The following KCNH8 variants were observed in gnomAD, a reference collection of about 807,000 sequenced individuals.
The protein encoded by KCNH8 is potassium voltage-gated channel subfamily H member 8, also known as voltage-gated delayed rectifier potassium channel KCNH8.
In KCNH8, 70 loss-of-function variants were observed where a neutral mutation model predicts 103.6. The observed-to-expected ratio is 0.68, with a 90% CI of 0.56 to 0.82. KCNH8 has a LOEUF of 0.82. Among genes scored for constraint, KCNH8 ranks in the 40% least tolerant of loss-of-function variants. KCNH8 has a pLI of 0.00. For synonymous variants in KCNH8, 498 were observed against 489.4 expected, an observed-to-expected ratio of 1.02 and a Z score of -0.23; for missense variants, 1,217 against 1,329.9, an observed-to-expected ratio of 0.92 and a Z score of 1.32.
At chr3:19,518,447 G>C (rs752078530) in intron 15 of KCNH8, among the ~76,000 whole-genome samples, 1 of 152,030 alleles carries the variant, frequency 6.6e-6, no homozygotes, top group African/African-American at 2.4e-5. Context: ...AAGCAAGGTC[G>C]TAAGTTCACA....
At chr3:19,299,667 A>T (rs982609337) in intron 3 of KCNH8, among the ~76,000 whole-genome samples, 4 of 151,988 alleles carry the variant, frequency 2.6e-5, no homozygotes, top group African/African-American at 7.3e-5. Context: ...AAATAAAAAT[A>T]AAAAATAAAA....
At chr3:19,247,693 A>G (rs578163480) in intron 1 of KCNH8, among the ~76,000 whole-genome samples, 19 of 152,214 alleles carry the variant, frequency 1.2e-4, no homozygotes, top group Non-Finnish European at 1.3e-4. Flanking sequence ...ACTCTTCAGA[A>G]ATAAAGATTT....
chr3:19,201,103 G>A (rs2063654277), intron 1 of KCNH8, among the ~76,000 whole-genome samples: 1 of 150,140 alleles, frequency 6.7e-6, no homozygotes, highest in East Asian at 2.0e-4. Context: ...ATGGGGGCGG[G>A]CACCTGTTAT....
intron 3 of KCNH8, among the ~76,000 whole-genome samples, chr3:19,289,838 G>A (rs2064892022): frequency 6.6e-6 from 1 of 152,176 alleles, no homozygotes; most frequent in African/African-American, 2.4e-5. Flanking sequence ...ACCTTGGGCA[G>A]TATGGCCATT....
intron 11 of KCNH8, among the ~76,000 whole-genome samples, chr3:19,473,805 G>A (rs576154924): frequency 8.5e-5 from 13 of 152,306 alleles, no homozygotes; most frequent in African/African-American, 3.1e-4. Context: ...TAGAGGGATT[G>A]AGAACATAAG....
intron 1 of KCNH8, among the ~76,000 whole-genome samples, chr3:19,175,005 A>T (rs988347252): frequency 1.3e-5 from 2 of 152,086 alleles, no homozygotes; most frequent in Admixed American, 6.6e-5. Context: ...ATGAAGTAGT[A>T]TTTTTTTAAT....
At chr3:19,326,221 A>G (rs2065421299) in intron 3 of KCNH8, among the ~76,000 whole-genome samples, 1 of 151,914 alleles carries the variant, frequency 6.6e-6, no homozygotes, top group South Asian at 2.1e-4. Context: ...GATCCAGAAA[A>G]ATAACTAAAG....
chr3:19,196,389 T>C (rs2063602374), intron 1 of KCNH8, among the ~76,000 whole-genome samples: 1 of 151,776 alleles, frequency 6.6e-6, no homozygotes, highest in Admixed American at 6.6e-5. Context: ...TCCAATATCA[T>C]AGGTATTATC....
At chr3:19,373,625 C>T (rs13079641) in intron 5 of KCNH8, among the ~76,000 whole-genome samples, 7 of 151,928 alleles carry the variant, frequency 4.6e-5, no homozygotes, top group East Asian at 1.9e-4. Context: ...CTGCTCTGAT[C>T]TTAGTTATTT....
intron 3 of KCNH8, among the ~76,000 whole-genome samples, chr3:19,316,161 G>A (rs2065271237): frequency 6.6e-6 from 1 of 151,924 alleles, no homozygotes. Flanking sequence ...TGTAAAATTG[G>A]TATTCAGTAG....
At chr3:19,479,845 AATAAG>A (rs1265683029) in intron 11 of KCNH8, among the ~76,000 whole-genome samples, 2 of 152,206 alleles carry the variant, frequency 1.3e-5, no homozygotes, top group Non-Finnish European at 2.9e-5. Flanking sequence ...CTGTCCAGTG[AATAAG>A]ATAAAATATG....
At chr3:19,465,418 T>C (rs1358886463) in intron 11 of KCNH8, among the ~76,000 whole-genome samples, 1 of 152,146 alleles carries the variant, frequency 6.6e-6, no homozygotes, top group African/African-American at 2.4e-5. Context: ...AATAAAAGAT[T>C]CCTTTCAAAA....
intron 2 of KCNH8, among the ~76,000 whole-genome samples, chr3:19,257,216 A>C (rs938608216): frequency 6.6e-6 from 1 of 151,960 alleles, no homozygotes; most frequent in African/African-American, 2.4e-5. Context: ...TATCCTCCCC[A>C]GATACATTTT....
intron 1 of KCNH8, among the ~76,000 whole-genome samples, chr3:19,204,341 CACA>C (rs1412600865): frequency 2.0e-5 from 3 of 152,046 alleles, no homozygotes; most frequent in African/African-American, 7.2e-5. Flanking sequence ...AGAACCCCTA[CACA>C]GCTGTCTACT....
At chr3:19,227,348 G>A (rs2063943466) in intron 1 of KCNH8, among the ~76,000 whole-genome samples, 1 of 152,142 alleles carries the variant, frequency 6.6e-6, no homozygotes, top group South Asian at 2.1e-4. Flanking sequence ...GTCAGAGAAG[G>A]GGGATGATTG....
chr3:19,412,254 C>G (rs2066791817), intron 7 of KCNH8, among the ~76,000 whole-genome samples: 1 of 151,986 alleles, frequency 6.6e-6, no homozygotes, highest in South Asian at 2.1e-4. Flanking sequence ...CTACAGCCAT[C>G]TAATCTTTGA....
intron 3 of KCNH8, among the ~76,000 whole-genome samples, chr3:19,316,921 G>T (rs190795494): frequency 3.3e-5 from 5 of 151,958 alleles, no homozygotes; most frequent in Non-Finnish European, 7.4e-5. Context: ...CTTTGAAATT[G>T]GATGAATAGG....
chr3:19,376,440 C>T (rs34766519), intron 5 of KCNH8, among the ~76,000 whole-genome samples: 23,955 of 152,152 alleles, frequency 0.16, 2,552 homozygotes, highest in Middle Eastern at 0.3. Flanking sequence ...TGAGGCAATG[C>T]CTCTCCCTGC....
intron 8 of KCNH8, among the ~76,000 whole-genome samples, chr3:19,441,006 T>C (rs2067275558): frequency 6.6e-6 from 1 of 152,122 alleles, no homozygotes; most frequent in Non-Finnish European, 1.5e-5. Flanking sequence ...CTTTCTCTTA[T>C]GGGAGGAACC....
Sources: allele counts gnomAD v4.1 joint callset (sites outside exome capture counted in the v4.1 genomes callset), GRCh38; gene constraint gnomAD v4.1.1; transcripts MANE v1.5; gene names NCBI Gene and HGNC (gene_info 2026-07-23, HGNC 2026-07-21).